ACAA2: variants seen among roughly 807,000 people sequenced by gnomAD.
ACAA2 encodes the protein acetyl-CoA acyltransferase 2, also known as 3-ketoacyl-CoA thiolase, mitochondrial.
A neutral mutation model predicts 44.8 loss-of-function variants in ACAA2; 35 were observed. The observed-to-expected ratio is 0.78, with a 90% CI of 0.60 to 1.04. ACAA2 has a LOEUF of 1.04. Ranked by LOEUF, ACAA2 falls within the 50% of genes least tolerant of loss-of-function variation. ACAA2 has a pLI of 0.00. For missense variants in ACAA2, 468 were observed against 482.6 expected, an observed-to-expected ratio of 0.97 and a Z score of 0.28; for synonymous variants, 142 against 166.5, an observed-to-expected ratio of 0.85 and a Z score of 1.13.
chr18:49,785,478 A>C lies in ACAA2; in HGVS notation c.955-127T>G. 3 of 851,064 alleles carry C rather than the reference A, an allele frequency of 3.5e-6. No individual in the cohort carries two copies. In the South Asian group the frequency reaches 5.0e-5, roughly 14 times the overall value. 52.7% of individuals were successfully genotyped at this position (851,064 alleles called of 1,614,324 possible). On this transcript the variant is annotated intron_variant, in intron 8 of 9. Coordinates refer to ENST00000285093, the MANE Select transcript of ACAA2 (RefSeq NM_006111.3). ...CCTATTTAAATTACCTCGCAAAGTT[A>C]TTTTATCTACAATCATTCTGCATAA...
intron 1 of ACAA2, among the ~76,000 whole-genome samples, chr18:49,804,397 A>G (rs2023590159): frequency 6.6e-6 from 1 of 152,196 alleles, no homozygotes; most frequent in South Asian, 2.1e-4. Flanking sequence ...CTGAACTATT[A>G]TCTTTTACTC....
intron 1 of ACAA2, among the ~76,000 whole-genome samples, chr18:49,804,647 T>G (rs1405591890): frequency 6.6e-6 from 1 of 152,198 alleles, no homozygotes; most frequent in African/African-American, 2.4e-5. Context: ...ATAACAAAAA[T>G]AGCATGCATT....
At chr18:49,800,823 G>C (rs1036505057) in intron 2 of ACAA2, among the ~76,000 whole-genome samples, 1 of 121,524 alleles carries the variant, frequency 8.2e-6, no homozygotes. Context: ...TTTGTCTGCT[G>C]ACCTTCCCTC....
chr18:49,794,362 T>G lies in ACAA2; in HGVS notation c.495A>C (p.Ala165=). 6.2e-7 allele frequency: 1 copy of G among 1,611,524 alleles called. No homozygotes were observed. Among genetic ancestry groups the G allele is most frequent in the South Asian group, 1.1e-5 (1 of 90,834 alleles). ...QHVQLPMAMT[A]ENLAVKHKIS... ...TTTTGTGTTTTACAGCAAGATTCTC[T>G]GCAGTCATTGCCATGGGGAGCTGGA... is the stretch of plus-strand genomic sequence containing the variant. Residue 165 remains alanine, a synonymous_variant, in exon 5 of 10, where the codon GCA becomes GCC. Coordinates refer to ENST00000285093, the MANE Select transcript of ACAA2 (RefSeq NM_006111.3).
rs760223620 is a variant in ACAA2, at chr18:49,785,261, C to A, written c.1045G>T (p.Ala349Ser). 3 of 1,614,168 alleles carry A rather than the reference C, an allele frequency of 1.9e-6. No individual in the cohort carries two copies. Among genetic ancestry groups the A allele is most frequent in the Non-Finnish European group, 2.5e-6 (3 of 1,180,002 alleles). Residue 349 changes from alanine (A) to serine (S), a missense_variant, in exon 9 of 10, where the codon GCT becomes TCT. Physicochemically the swap from Ala to Ser is moderately conservative, Grantham distance 99. Transcript: ENST00000285093. ...SKTNVNGGAI[A>S]LGHPLGGSGS... is the part of the protein sequence containing the mutation. ...GATCCTCCCAGTGGGTGACCCAAAG[C>A]AATGGCTCCTCCATTCACATTGGTT...
intron 1 of ACAA2, among the ~76,000 whole-genome samples, chr18:49,811,751 T>C (rs1477739343): frequency 6.6e-6 from 1 of 152,182 alleles, no homozygotes; most frequent in East Asian, 1.9e-4. Flanking sequence ...CCTGTGTTAT[T>C]ATACACAACC....
At chr18:49,795,962 T>C in intron 3 of ACAA2, 81 bp from the exon 4 acceptor site, 1 of 864,694 alleles carries the variant, frequency 1.2e-6, no homozygotes, top group Non-Finnish European at 1.9e-6. Context: ...TTTTACAAAT[T>C]AATGGTAAAT....
rs375543165 is a variant in ACAA2, at chr18:49,785,194, T to C, written c.1109+3A>G. ...CTGAAATGCAGCTATTTCTAGCAAATACCTTAATTCGTGAACCAGGTGTGC... is the reference window on the plus strand; with the variant it reads ...CTGAAATGCAGCTATTTCTAGCAAACACCTTAATTCGTGAACCAGGTGTGC... On this transcript the variant is annotated splice_donor_region_variant and intron_variant, in intron 9 of 9. Transcript: ENST00000285093. 6.2e-7 allele frequency: 1 copy of C among 1,607,582 alleles called. No homozygotes were observed.
At chr18:49,793,947 C>T (rs1396231676) in intron 5 of ACAA2, among the ~76,000 whole-genome samples, 1 of 152,172 alleles carries the variant, frequency 6.6e-6, no homozygotes, top group African/African-American at 2.4e-5. Context: ...CCAGTTGCCA[C>T]AGTGAGCTAT....
intron 9 of ACAA2, among the ~76,000 whole-genome samples, chr18:49,784,959 A>C (rs1293140156): frequency 6.6e-6 from 1 of 152,180 alleles, no homozygotes; most frequent in Non-Finnish European, 1.5e-5. Context: ...CACACAGTGC[A>C]CAGAGACTGG....
intron 7 of ACAA2, among the ~76,000 whole-genome samples, chr18:49,790,810 C>T (rs2023389214): frequency 6.6e-6 from 1 of 152,166 alleles, no homozygotes; most frequent in South Asian, 2.1e-4. Flanking sequence ...TTTTACCAAT[C>T]TAATTATAAG....
intron 6 of ACAA2, 128 bp from the exon 7 acceptor site, chr18:49,791,727 AT>A: frequency 2.3e-6 from 2 of 878,812 alleles, no homozygotes; most frequent in Non-Finnish European, 1.7e-6. Context: ...GTGAGATACA[AT>A]TAGAAAAGTG....
In ACAA2 at chr18:49,794,408, A is replaced by G. The variant is rs2143958773; in HGVS notation, c.449T>C (p.Val150Ala). ...CTGGACATGCTGATCTGTTAATGAT[A>G]CCCATAAAGAATCTTCCAGCTATTA... ...SDIKLEDSLW[V>A]SLTDQHVQLP... Residue 150 changes from valine to alanine, a missense_variant, in exon 5 of 10, where the codon GTA becomes GCA. Physicochemically the swap from Val to Ala is moderately conservative, Grantham distance 64. Transcript: ENST00000285093. 6.3e-7 allele frequency: 1 copy of G among 1,589,986 alleles called. No homozygotes were observed. Among genetic ancestry groups the G allele is most frequent in the Non-Finnish European group, 8.5e-7 (1 of 1,171,354 alleles).
At chr18:49,803,453 C>T (rs543834821) in intron 1 of ACAA2, among the ~76,000 whole-genome samples, 2 of 152,148 alleles carry the variant, frequency 1.3e-5, no homozygotes, top group South Asian at 2.1e-4. Context: ...AGTTGTAAGC[C>T]CTTAAAAGGG....
chr18:49,796,758 C>T (rs1009361533), intron 3 of ACAA2, among the ~76,000 whole-genome samples: 2 of 151,988 alleles, frequency 1.3e-5, no homozygotes, highest in East Asian at 1.9e-4. Context: ...GTAACACTCA[C>T]AGACCTGGGT....
intron 1 of ACAA2, among the ~76,000 whole-genome samples, chr18:49,809,099 A>C (rs982192789): frequency 6.6e-6 from 1 of 152,158 alleles, no homozygotes; most frequent in Non-Finnish European, 1.5e-5. Flanking sequence ...TATCTCTCCT[A>C]CTTGCATATC....
At chr18:49,783,977 GA>G (rs757085433) in intron 9 of ACAA2, 46 bp from the exon 10 acceptor site, 2 of 1,494,018 alleles carry the variant, frequency 1.3e-6, no homozygotes, top group African/African-American at 2.8e-5. Flanking sequence ...TAAAAAATCA[GA>G]TTAATGAAAT....
chr18:49,792,624 TTTTAG>T (rs1280398399), intron 5 of ACAA2, among the ~76,000 whole-genome samples: 3 of 152,076 alleles, frequency 2.0e-5, no homozygotes, highest in Non-Finnish European at 1.5e-5. Flanking sequence ...TTTTTTATAT[TTTTAG>T]TAGAGATGGG....
intron 9 of ACAA2, among the ~76,000 whole-genome samples, chr18:49,784,495 A>C (rs1389648663): frequency 6.6e-6 from 1 of 152,210 alleles, no homozygotes; most frequent in African/African-American, 2.4e-5. Flanking sequence ...TGACTTCGAG[A>C]AAATTATCCA....
Sources: allele counts gnomAD v4.1 joint callset (sites outside exome capture counted in the v4.1 genomes callset), GRCh38; gene constraint gnomAD v4.1.1; transcripts MANE v1.5; gene names NCBI Gene and HGNC (gene_info 2026-07-23, HGNC 2026-07-21).